ARID1B: variants seen among roughly 807,000 people sequenced by gnomAD.
The protein encoded by ARID1B is AT-rich interactive domain-containing protein 1B.
A neutral mutation model predicts 212.3 loss-of-function variants in ARID1B; 30 were observed. That is an observed-to-expected ratio of 0.14 (90% CI 0.11 to 0.19). The LOEUF is 0.19. ARID1B is among the 10% of genes least tolerant of loss of function. The pLI, the probability that ARID1B is intolerant of heterozygous loss-of-function variation, is 1.00. For synonymous variants in ARID1B, 1,402 were observed against 1,301.7 expected (o/e 1.08, Z -1.66); for missense variants, 2,891 against 3,204.0 (o/e 0.90, Z 2.36).
At position 157,114,393 on chromosome 6, in the gene ARID1B, G is replaced by A. The variant is rs369439357; in HGVS notation, c.2581+3832G>A. Among the ~76,000 whole-genome samples the A allele has an allele frequency of 1.7e-4, 26 of 151,960 alleles. No individual in the cohort carries two copies. In the East Asian group the frequency reaches 4.9e-3, roughly 28 times the overall value. On this transcript the variant is annotated intron_variant, in intron 6 of 19. Coordinates refer to ENST00000636930, the MANE Select transcript of ARID1B (RefSeq NM_001374828.1). ...CAAAACATTAACCAGGCATGGTGGTGTGTGCCTGTAGTCCCAGCTACTCAG... is the reference window on the plus strand; with the variant it reads ...CAAAACATTAACCAGGCATGGTGGTATGTGCCTGTAGTCCCAGCTACTCAG...
At chr6:156,909,499 C>T (rs1789698358) in intron 3 of ARID1B, among the ~76,000 whole-genome samples, 1 of 152,204 alleles carries the variant, frequency 6.6e-6, no homozygotes, top group Non-Finnish European at 1.5e-5. Context: ...TGTCTACAAA[C>T]CTAGCCATGT....
At chr6:157,160,978 T>G (rs1790891683) in intron 8 of ARID1B, among the ~76,000 whole-genome samples, 1 of 152,220 alleles carries the variant, frequency 6.6e-6, no homozygotes, top group African/African-American at 2.4e-5. Context: ...CTGCCCTGGT[T>G]GTTTGACTTT....
chr6:156,834,843 C>A (rs1351273572), intron 2 of ARID1B, among the ~76,000 whole-genome samples: 1 of 152,208 alleles, frequency 6.6e-6, no homozygotes, highest in African/African-American at 2.4e-5. Flanking sequence ...GGTTTACCAG[C>A]AAAATACATT....
At chr6:156,938,558 T>C (rs1233901046) in intron 4 of ARID1B, 1 of 152,238 alleles carries the variant, frequency 6.6e-6, no homozygotes, top group Non-Finnish European at 1.5e-5. Flanking sequence ...TGCAACATAG[T>C]GATTCTAATG....
At chr6:156,980,161 A>T (rs541121582) in intron 4 of ARID1B, among the ~76,000 whole-genome samples, 36 of 152,182 alleles carry the variant, frequency 2.4e-4, no homozygotes, top group Non-Finnish European at 5.0e-4. Flanking sequence ...TCATAGTGTC[A>T]TTGTAATTTG....
chr6:156,980,315 T>C (rs1777525543), intron 4 of ARID1B, among the ~76,000 whole-genome samples: 1 of 151,936 alleles, frequency 6.6e-6, no homozygotes, highest in Non-Finnish European at 1.5e-5. Context: ...AAACCCCATC[T>C]CTACTAAAAA....
chr6:156,786,001 C>A (rs1376972792), intron 1 of ARID1B, among the ~76,000 whole-genome samples: 1 of 152,056 alleles, frequency 6.6e-6, no homozygotes, highest in Non-Finnish European at 1.5e-5. Flanking sequence ...CTTTTTGGAA[C>A]CTTTCTAAAG....
At chr6:156,852,900 T>G (rs928141661) in intron 2 of ARID1B, among the ~76,000 whole-genome samples, 2 of 152,258 alleles carry the variant, frequency 1.3e-5, no homozygotes, top group African/African-American at 2.4e-5. Context: ...AAAGGTTTAC[T>G]AAACAAACAG....
chr6:157,009,118 C>A (rs1257787714), intron 4 of ARID1B, among the ~76,000 whole-genome samples: 1 of 152,182 alleles, frequency 6.6e-6, no homozygotes, highest in Non-Finnish European at 1.5e-5. Flanking sequence ...AGGAAGCCCA[C>A]TGGTTACTGA....
intron 3 of ARID1B, 31 bp from the exon 4 acceptor site, chr6:156,935,435 T>G: frequency 6.5e-7 from 1 of 1,536,352 alleles, no homozygotes; most frequent in Non-Finnish European, 9.0e-7. Flanking sequence ...GAGATATTTA[T>G]GAAGTGCTTT....
intron 16 of ARID1B, among the ~76,000 whole-genome samples, chr6:157,196,653 G>T (rs908621648): frequency 9.2e-5 from 14 of 152,084 alleles, no homozygotes; most frequent in Non-Finnish European, 1.9e-4. Context: ...GACATGGCTC[G>T]CCTGGAGCTC....
At chr6:157,014,267 C>G (rs1203461220) in intron 4 of ARID1B, among the ~76,000 whole-genome samples, 1 of 152,156 alleles carries the variant, frequency 6.6e-6, no homozygotes, top group Non-Finnish European at 1.5e-5. Context: ...TGGTGACTTT[C>G]TGGGCAAATT....
intron 4 of ARID1B, chr6:156,943,509 G>T: frequency 6.7e-6 from 1 of 150,192 alleles, no homozygotes; most frequent in African/African-American, 2.4e-5. Flanking sequence ...ATGTTGGTAC[G>T]ATTGTCTCTT....
intron 2 of ARID1B, among the ~76,000 whole-genome samples, chr6:156,849,676 G>C (rs547985406): frequency 6.6e-6 from 1 of 152,084 alleles, no homozygotes; most frequent in South Asian, 2.1e-4. Flanking sequence ...AGATGGAAGG[G>C]GCAAAAGAAG....
In ARID1B at chr6:157,201,397, A is replaced by G. The variant is rs1197819486; in HGVS notation, c.5172A>G (p.Pro1724=). 1 of 1,596,286 alleles carries G rather than the reference A, an allele frequency of 6.3e-7. No homozygotes were observed. The highest frequency in any genetic ancestry group is 1.3e-5 in the African/African-American group (1 of 74,548). The change falls in exon 18 of 20, where the codon CCA becomes CCG. Residue 1724 remains proline (P), a synonymous_variant. Transcript: ENST00000636930. The surrounding 1 kb of genome is among the most constrained non-coding windows in gnomAD (Gnocchi z 5.2). The stretch of plus-strand genomic sequence containing the variant: ...CCGGGCCACCACCCCAACCACCCCC[A>G]ATCAGAAGGGAGATCACCTTTCCTC... The part of the protein sequence containing the change: ...QVTGPPPQPP[P]IRREITFPPG...
chr6:157,033,039 C>A (rs754455178), intron 4 of ARID1B, among the ~76,000 whole-genome samples: 26 of 152,204 alleles, frequency 1.7e-4, no homozygotes, highest in Non-Finnish European at 3.7e-4. Flanking sequence ...TTCACTGTTA[C>A]AAACAACTCC....
intron 4 of ARID1B, among the ~76,000 whole-genome samples, chr6:157,010,929 G>A (rs1396758089): frequency 1.3e-5 from 2 of 152,134 alleles, no homozygotes; most frequent in African/African-American, 2.4e-5. Flanking sequence ...ACTTTTTAAC[G>A]AAGGAAAAGA....
At chr6:157,131,621 C>T (rs980978443) in intron 6 of ARID1B, among the ~76,000 whole-genome samples, 11 of 152,160 alleles carry the variant, frequency 7.2e-5, no homozygotes, top group Admixed American at 1.3e-4. Context: ...CCAGAGCTCA[C>T]GAGGTCTCAC....
intron 5 of ARID1B, among the ~76,000 whole-genome samples, chr6:157,103,513 C>T (rs1490668146): frequency 6.6e-6 from 1 of 152,196 alleles, no homozygotes; most frequent in African/African-American, 2.4e-5. Flanking sequence ...ATAATATATT[C>T]ATGTCTCAGT....
Sources: allele counts gnomAD v4.1 joint callset (sites outside exome capture counted in the v4.1 genomes callset), GRCh38; gene constraint gnomAD v4.1.1; non-coding constraint Gnocchi (gnomAD v3.1); transcripts MANE v1.5; gene names NCBI Gene and HGNC (gene_info 2026-07-23, HGNC 2026-07-21).